Variants in DOCK11 observed in about 807,000 individuals in gnomAD.
DOCK11 encodes dedicator of cytokinesis 11.
DOCK11 carries 70 observed loss-of-function variants against 169.1 expected under a neutral mutation model. That is an observed-to-expected ratio of 0.41 (90% CI 0.34 to 0.51). DOCK11 has a LOEUF of 0.51. DOCK11 is among the 20% of genes least tolerant of loss of function. DOCK11 has a pLI of 0.10. For synonymous variants in DOCK11, 529 were observed against 541.3 expected (o/e 0.98, Z 0.32); for missense variants, 1,166 against 1,538.8 (o/e 0.76, Z 4.05).
At chrX:118,603,592 A>G (rs980899060) in intron 23 of DOCK11, among the ~76,000 whole-genome samples, 1 of 112,165 alleles carries the variant, frequency 8.9e-6, no homozygotes, top group Admixed American at 9.4e-5. Flanking sequence ...TTCCATGATC[A>G]TGCTATTTAC....
At chrX:118,530,633 C>T in intron 1 of DOCK11, among the ~76,000 whole-genome samples, 1 of 112,392 alleles carries the variant, frequency 8.9e-6, no homozygotes. Context: ...ATTTTTATTT[C>T]ATCCTTCGAG....
chrX:118,666,962 C>G (rs917740216), intron 45 of DOCK11, among the ~76,000 whole-genome samples: 1 of 111,629 alleles, frequency 9.0e-6, no homozygotes, highest in African/African-American at 3.3e-5. Context: ...TTGTATTTCC[C>G]TAATAACCGA....
intron 1 of DOCK11, among the ~76,000 whole-genome samples, chrX:118,500,210 G>C (rs867659142): frequency 3.7e-5 from 4 of 109,329 alleles, no homozygotes; most frequent in South Asian, 7.8e-4. Flanking sequence ...CGCCACGCCC[G>C]GCTAATTTTT....
In DOCK11 at chrX:118,669,028, G is replaced by T. The variant is rs375907229; in HGVS notation, c.5077-1995G>T. Reference sequence around the variant, plus strand: ...AGCTTTATGTGCCACATGAAGGAGCGTGTCCGTTGTTCTGTGAGTGATGCG... The same window carrying T: ...AGCTTTATGTGCCACATGAAGGAGCTTGTCCGTTGTTCTGTGAGTGATGCG... On this transcript the variant is annotated intron_variant, in intron 45 of 52. Transcript: ENST00000276202. 1.3e-4 allele frequency among the ~76,000 whole-genome samples: 14 copies of T among 111,869 alleles called. No homozygotes were observed. The East Asian group carries it at 2.0e-3, about 16-fold the overall frequency.
intron 1 of DOCK11, among the ~76,000 whole-genome samples, chrX:118,528,410 TG>T (rs1216397801): frequency 9.0e-6 from 1 of 111,428 alleles, no homozygotes; most frequent in African/African-American, 3.3e-5. Context: ...CAAGGGGTGG[TG>T]GGGGAAGAGG....
At chrX:118,534,030 GA>G (rs1273842479) in intron 1 of DOCK11, among the ~76,000 whole-genome samples, 1 of 111,759 alleles carries the variant, frequency 8.9e-6, no homozygotes, top group Non-Finnish European at 1.9e-5. Flanking sequence ...CTAAAGAATA[GA>G]AAAAAAATTC....
At chrX:118,523,733 T>G (rs776882725) in intron 1 of DOCK11, among the ~76,000 whole-genome samples, 1 of 111,956 alleles carries the variant, frequency 8.9e-6, no homozygotes, top group Non-Finnish European at 1.9e-5. Flanking sequence ...TATGTATTGC[T>G]TTTTCTCATT....
At position 118,627,502 on chromosome X, in the gene DOCK11, A is replaced by C; in HGVS notation, c.3589-2A>C. ...TGACACAGGTATCATATTCTGTTAC[A>C]GGCATCCAGAGATGAGTTTCCATGT... On this transcript the variant is annotated splice_acceptor_variant, in intron 32 of 52. Coordinates refer to ENST00000276202, the MANE Select transcript of DOCK11 (RefSeq NM_144658.4). LOFTEE classifies it high-confidence loss of function. 8.3e-7 allele frequency: 1 copy of C among 1,200,289 alleles called. No homozygotes were observed. The highest frequency in any genetic ancestry group is 3.0e-5 in the East Asian group (1 of 33,774).
intron 12 of DOCK11, among the ~76,000 whole-genome samples, chrX:118,577,711 T>A (rs986290002): frequency 2.7e-5 from 3 of 111,786 alleles, no homozygotes; most frequent in Non-Finnish European, 5.6e-5. Context: ...TTCTATCTGG[T>A]ACAAATGAGA....
intron 1 of DOCK11, among the ~76,000 whole-genome samples, chrX:118,498,920 C>T (rs1046526679): frequency 9.0e-6 from 1 of 111,465 alleles, no homozygotes; most frequent in Non-Finnish European, 1.9e-5. Flanking sequence ...TTAGTACTTC[C>T]ACGAATCTAT....
chrX:118,540,370 AG>A (rs2011944553), intron 1 of DOCK11, among the ~76,000 whole-genome samples: 1 of 111,637 alleles, frequency 9.0e-6, no homozygotes, highest in Non-Finnish European at 1.9e-5. Flanking sequence ...TGGAAGATGC[AG>A]TCAGTTTCCT....
chrX:118,581,805 TAAAAA>T (rs35095116), intron 14 of DOCK11, among the ~76,000 whole-genome samples: 12 of 12,742 alleles, frequency 9.4e-4, no homozygotes, highest in East Asian at 4.8e-3. Context: ...CTCCGTCTCC[TAAAAA>T]AAAAAAAAAA....
Position 118,575,850 on chromosome X carries a change from G to T in DOCK11, c.1389+1832G>T, listed in dbSNP as rs140928707. On this transcript the variant is annotated intron_variant, in intron 12 of 52. Coordinates refer to ENST00000276202, the MANE Select transcript of DOCK11 (RefSeq NM_144658.4). ...TTACTTCAGTGTGTAGCACTCAGCT[G>T]TATGTTCAATGCAGGAAGTTTAAAT... Among the ~76,000 whole-genome samples the T allele has an allele frequency of 1.3e-3, 144 of 112,573 alleles. 1 individual carries two copies. The highest frequency in any genetic ancestry group is 4.3e-3 in the African/African-American group (132 of 31,022).
At chrX:118,538,433 A>G (rs1236976909) in intron 1 of DOCK11, among the ~76,000 whole-genome samples, 1 of 112,846 alleles carries the variant, frequency 8.9e-6, no homozygotes, top group East Asian at 2.8e-4. Context: ...AACAAAAAAT[A>G]CTAATATTAT....
At chrX:118,540,481 A>T (rs1247710635) in intron 1 of DOCK11, among the ~76,000 whole-genome samples, 2 of 111,437 alleles carry the variant, frequency 1.8e-5, no homozygotes, top group Admixed American at 9.6e-5. Context: ...TTTTATTTCA[A>T]CTCATTTTGC....
At chrX:118,559,685 A>T (rs2012840074) in intron 6 of DOCK11, among the ~76,000 whole-genome samples, 1 of 110,699 alleles carries the variant, frequency 9.0e-6, no homozygotes, top group Non-Finnish European at 1.9e-5. Context: ...GGAGTTCGAG[A>T]CCAGCATGGG....
chrX:118,590,363 A>T, intron 19 of DOCK11, 61 bp downstream of exon 19: 14 of 926,300 alleles, frequency 1.5e-5, no homozygotes, highest in Non-Finnish European at 2.2e-5. Flanking sequence ...TTTCTCTTTG[A>T]ATCATTTTCA....
chrX:118,682,494 T>C (rs2016769248), intron 51 of DOCK11, among the ~76,000 whole-genome samples: 1 of 111,728 alleles, frequency 9.0e-6, no homozygotes, highest in Admixed American at 9.6e-5. Flanking sequence ...GCCTGGTACA[T>C]GCAAAAGACT....
intron 46 of DOCK11, among the ~76,000 whole-genome samples, chrX:118,673,242 C>T (rs2016529071): frequency 8.9e-6 from 1 of 111,857 alleles, no homozygotes; most frequent in Non-Finnish European, 1.9e-5. Flanking sequence ...GGAACTACTC[C>T]TATTTCCTTG....
Sources: gnomAD v4.1 joint callset for allele counts (sites outside exome capture counted in the v4.1 genomes callset) on GRCh38, gnomAD v4.1.1 for gene constraint, MANE v1.5 for transcripts, NCBI Gene and HGNC (gene_info 2026-07-23, HGNC 2026-07-21) for gene names.